Variants in ELOVL6 observed in about 807,000 individuals in gnomAD.
The protein encoded by ELOVL6 is very long chain fatty acid elongase 6.
In ELOVL6, 8 loss-of-function variants were observed where a neutral mutation model predicts 31.7. That is an observed-to-expected ratio of 0.25 (90% CI 0.15 to 0.45). ELOVL6 has a LOEUF of 0.45. Among genes scored for constraint, ELOVL6 ranks in the 20% least tolerant of loss-of-function variants. The probability of loss-of-function intolerance (pLI) is 1.00; values close to 1 mark genes in which losing one functional copy is unlikely to be tolerated. For synonymous variants in ELOVL6, 101 were observed against 117.7 expected, an observed-to-expected ratio of 0.86 and a Z score of 0.92; for missense variants, 126 against 326.4, an observed-to-expected ratio of 0.39 and a Z score of 4.73.
chr4:110,122,927 T>A (rs1458547030), intron 1 of ELOVL6, among the ~76,000 whole-genome samples: 1 of 152,224 alleles, frequency 6.6e-6, no homozygotes, highest in Non-Finnish European at 1.5e-5. Context: ...AAGTTGCCTA[T>A]CCCTTCCTTC....
intron 1 of ELOVL6, among the ~76,000 whole-genome samples, chr4:110,109,364 C>T (rs1756968469): frequency 6.6e-6 from 1 of 152,118 alleles, no homozygotes; most frequent in Admixed American, 6.6e-5. Flanking sequence ...TACCAGGTGA[C>T]CAACCAAATA....
Position 110,176,955 on chromosome 4 carries a change from G to T in ELOVL6, c.89+21292C>A, listed in dbSNP as rs559465407. 2.0e-5 allele frequency among the ~76,000 whole-genome samples: 3 copies of T among 152,228 alleles called. No individual in the cohort carries two copies. In the South Asian group the frequency reaches 6.2e-4, roughly 32 times the overall value. On this transcript the variant is annotated intron_variant, in intron 1 of 3. Coordinates refer to ENST00000302274, the MANE Select transcript of ELOVL6 (RefSeq NM_024090.3). The stretch of plus-strand genomic sequence containing the variant: ...TCTCCATGTTGGTCAGACTGGTCTC[G>T]AACTCCTGACCTCAGGTGGTCTGCC...
chr4:110,196,665 G>C (rs938561265), intron 1 of ELOVL6, among the ~76,000 whole-genome samples: 4 of 152,132 alleles, frequency 2.6e-5, no homozygotes, highest in Non-Finnish European at 4.4e-5. Context: ...CCTTCCGAGC[G>C]GCCCGCGTCC....
intron 1 of ELOVL6, among the ~76,000 whole-genome samples, chr4:110,185,314 G>C (rs1255247120): frequency 6.6e-6 from 1 of 152,126 alleles, no homozygotes; most frequent in Admixed American, 6.5e-5. Flanking sequence ...CTTAAATTTT[G>C]TAGAATGTCA....
intron 1 of ELOVL6, among the ~76,000 whole-genome samples, chr4:110,114,691 C>T (rs1465204862): frequency 6.6e-6 from 1 of 152,080 alleles, no homozygotes; most frequent in Non-Finnish European, 1.5e-5. Context: ...TTGTCTTTAT[C>T]CTAAAGAAGC....
intron 2 of ELOVL6, among the ~76,000 whole-genome samples, chr4:110,079,561 T>C (rs1578460613): frequency 6.6e-6 from 1 of 151,956 alleles, no homozygotes; most frequent in Non-Finnish European, 1.5e-5. Flanking sequence ...AGACAGAACA[T>C]ACCAGAATCT....
At chr4:110,117,014 C>T (rs1453274749) in intron 1 of ELOVL6, among the ~76,000 whole-genome samples, 1 of 152,184 alleles carries the variant, frequency 6.6e-6, no homozygotes, top group Non-Finnish European at 1.5e-5. Flanking sequence ...CTGAGGATCC[C>T]CAGAATTCAA....
At chr4:110,074,647 A>G (rs2126228522) in intron 2 of ELOVL6, among the ~76,000 whole-genome samples, 1 of 152,314 alleles carries the variant, frequency 6.6e-6, no homozygotes, top group African/African-American at 2.4e-5. Context: ...ATGTCAGGAA[A>G]TATATATTAT....
intron 1 of ELOVL6, among the ~76,000 whole-genome samples, chr4:110,187,786 T>C (rs1759493002): frequency 6.6e-6 from 1 of 151,822 alleles, no homozygotes; most frequent in Admixed American, 6.6e-5. Flanking sequence ...GCTGTCACAG[T>C]TTAGGTACTG....
chr4:110,100,703 A>G (rs759417332), intron 2 of ELOVL6, among the ~76,000 whole-genome samples: 51 of 152,350 alleles, frequency 3.3e-4, no homozygotes, highest in Admixed American at 3.9e-4. Flanking sequence ...TTTCCAAAAG[A>G]AAAATTTACT....
intron 1 of ELOVL6, among the ~76,000 whole-genome samples, chr4:110,126,173 AGCTAGGACTACAG>A (rs1757490177): frequency 2.0e-5 from 3 of 152,058 alleles, no homozygotes; most frequent in Admixed American, 1.3e-4. Context: ...CCTCCCAAGT[AGCTAGGACTACAG>A]GCATGTACCG....
intron 1 of ELOVL6, among the ~76,000 whole-genome samples, chr4:110,145,171 G>A (rs1758072906): frequency 6.6e-6 from 1 of 151,882 alleles, no homozygotes; most frequent in African/African-American, 2.4e-5. Flanking sequence ...GAAAGAAGCT[G>A]TGCAAGGTGA....
chr4:110,163,236 G>A (rs1758678959), intron 1 of ELOVL6, among the ~76,000 whole-genome samples: 1 of 152,114 alleles, frequency 6.6e-6, no homozygotes, highest in Non-Finnish European at 1.5e-5. Context: ...ATGGGCCCAG[G>A]GCTAACATGG....
chr4:110,096,910 G>T lies in ELOVL6; in HGVS notation c.221+8587C>A, dbSNP rs1247513325. 2.6e-5 allele frequency among the ~76,000 whole-genome samples: 4 copies of T among 152,080 alleles called. No homozygotes were observed. In the South Asian group the frequency reaches 6.2e-4, roughly 24 times the overall value. ...ATAGGTTAACAGACCAACAAAATTG[G>T]TATTAATAACAAAACTGAACAGGAT... On this transcript the variant is annotated intron_variant, in intron 2 of 3. Coordinates refer to ENST00000302274, the MANE Select transcript of ELOVL6 (RefSeq NM_024090.3).
At chr4:110,191,115 G>A (rs546419765) in intron 1 of ELOVL6, among the ~76,000 whole-genome samples, 3 of 152,002 alleles carry the variant, frequency 2.0e-5, no homozygotes, top group Non-Finnish European at 4.4e-5. Context: ...CACCATACCC[G>A]ACCCATACAA....
chr4:110,066,638 A>G (rs967235990), intron 2 of ELOVL6, among the ~76,000 whole-genome samples: 1 of 57,548 alleles, frequency 1.7e-5, no homozygotes, highest in Non-Finnish European at 2.9e-5. Context: ...CTGTCTCAAC[A>G]AAAAAAAAAA....
intron 2 of ELOVL6, among the ~76,000 whole-genome samples, chr4:110,061,872 T>C (rs1454453204): frequency 6.6e-6 from 1 of 152,180 alleles, no homozygotes; most frequent in East Asian, 1.9e-4. Context: ...TGTTAGACTA[T>C]GTAATTCCCA....
chr4:110,145,048 A>C (rs1758068977), intron 1 of ELOVL6, among the ~76,000 whole-genome samples: 1 of 152,054 alleles, frequency 6.6e-6, no homozygotes, highest in Admixed American at 6.6e-5. Context: ...ATATAAGAGC[A>C]CACAGACCAG....
rs1560814751 is a variant in ELOVL6, at chr4:110,084,260, G to GATATATAACATATGATATATATAACATAA, written c.221+21236_221+21237insTTATGTTATATATATCATATGTTATATAT. ...ACATATATGATATATATAACATATAGCTTATATGTGATATATAACATATAT... is the reference window on the plus strand; with the variant it reads ...ACATATATGATATATATAACATATAGATATATAACATATGATATATATAACATAACTTATATGTGATATATAACATATAT... On this transcript the variant is annotated intron_variant, in intron 2 of 3. Transcript: ENST00000302274. Among the ~76,000 whole-genome samples, 3 of 84,318 alleles carry GATATATAACATATGATATATATAACATAA rather than the reference G, an allele frequency of 3.6e-5. 1 individual carries two copies. The highest frequency in any genetic ancestry group is 1.6e-4 in the African/African-American group (3 of 18,706). The allele number at this position is 84,318 out of a possible 152,430, so 55.3% of individuals were successfully genotyped here.
Sources: gnomAD v4.1 joint callset for allele counts (sites outside exome capture counted in the v4.1 genomes callset) on GRCh38, gnomAD v4.1.1 for gene constraint, MANE v1.5 for transcripts, NCBI Gene and HGNC (gene_info 2026-07-23, HGNC 2026-07-21) for gene names.